Variants in CERS6 observed in about 807,000 individuals in gnomAD.
CERS6 encodes ceramide synthase 6, also known as LAG1 homolog, ceramide synthase 6.
Under a neutral mutation model 56.8 loss-of-function variants are expected in CERS6, and 26 were observed. That is an observed-to-expected ratio of 0.46 (90% CI 0.34 to 0.63). The LOEUF (loss-of-function observed/expected upper bound fraction) is 0.63. Ranked by LOEUF, CERS6 falls within the 30% of genes least tolerant of loss-of-function variation. CERS6 has a pLI of 0.01. For missense variants in CERS6, 415 were observed against 467.5 expected (o/e 0.89, Z 1.04); for synonymous variants, 164 against 173.3 (o/e 0.95, Z 0.42).
At chr2:168,701,992 A>G (rs1482484812) in intron 6 of CERS6, among the ~76,000 whole-genome samples, 1 of 152,208 alleles carries the variant, frequency 6.6e-6, no homozygotes, top group Non-Finnish European at 1.5e-5. Flanking sequence ...TGTATTTCTT[A>G]GGGAATAATA....
chr2:168,461,416 C>T (rs11691737), intron 1 of CERS6, among the ~76,000 whole-genome samples: 8,550 of 145,258 alleles, frequency 0.059, 350 homozygotes, highest in East Asian at 0.19. Flanking sequence ...GCTGTGATTG[C>T]GCTACTACAC....
At chr2:168,543,167 T>C (rs963794426) in intron 1 of CERS6, among the ~76,000 whole-genome samples, 1 of 152,234 alleles carries the variant, frequency 6.6e-6, no homozygotes, top group Non-Finnish European at 1.5e-5. Context: ...AGACTAGTAT[T>C]TTTCAAAGTT....
intron 6 of CERS6, among the ~76,000 whole-genome samples, chr2:168,713,178 T>G (rs1318666734): frequency 2.6e-5 from 4 of 152,166 alleles, no homozygotes; most frequent in Non-Finnish European, 5.9e-5. Flanking sequence ...AATGACCATA[T>G]GAATATTGAC....
At chr2:168,516,210 C>T (rs1694881491) in intron 1 of CERS6, among the ~76,000 whole-genome samples, 1 of 152,160 alleles carries the variant, frequency 6.6e-6, no homozygotes, top group South Asian at 2.1e-4. Flanking sequence ...ACATCTTCCT[C>T]TGCAGTTCAG....
chr2:168,708,212 C>G (rs989902800), intron 6 of CERS6, among the ~76,000 whole-genome samples: 2 of 152,122 alleles, frequency 1.3e-5, no homozygotes, highest in Non-Finnish European at 1.5e-5. Context: ...CTCACCATCT[C>G]CATCTGTTTA....
At chr2:168,621,103 A>G (rs1037142719) in intron 3 of CERS6, among the ~76,000 whole-genome samples, 1 of 152,188 alleles carries the variant, frequency 6.6e-6, no homozygotes, top group African/African-American at 2.4e-5. Context: ...TTGCAATCAC[A>G]GTATCAGTGC....
intron 8 of CERS6, among the ~76,000 whole-genome samples, chr2:168,738,820 C>T (rs1456090959): frequency 1.3e-5 from 2 of 152,152 alleles, no homozygotes; most frequent in Non-Finnish European, 2.9e-5. Flanking sequence ...AGCTGTAACC[C>T]ACAGCAGACA....
chr2:168,699,519 A>G (rs1342699244), intron 6 of CERS6, among the ~76,000 whole-genome samples: 2 of 152,198 alleles, frequency 1.3e-5, no homozygotes, highest in African/African-American at 4.8e-5. Context: ...AGGTTTGACA[A>G]TCATTTATTT....
intron 4 of CERS6, among the ~76,000 whole-genome samples, chr2:168,683,874 G>A (rs1169986448): frequency 1.3e-5 from 2 of 152,118 alleles, no homozygotes; most frequent in Non-Finnish European, 2.9e-5. Flanking sequence ...AGATGTGTGT[G>A]GAGACCCTCA....
intron 3 of CERS6, among the ~76,000 whole-genome samples, chr2:168,564,771 G>T (rs981164622): frequency 3.9e-5 from 6 of 152,266 alleles, no homozygotes; most frequent in South Asian, 2.1e-4. Flanking sequence ...GCTGGAGTGA[G>T]CACAGCTACC....
Position 168,553,890 on chromosome 2 carries a change from T to C in CERS6, c.276+6189T>C, listed in dbSNP as rs552597971. Among the ~76,000 whole-genome samples, 9 of 152,296 alleles carry C rather than the reference T, an allele frequency of 5.9e-5. No individual in the cohort carries two copies. The East Asian group carries it at 1.7e-3, about 29-fold the overall frequency. On this transcript the variant is annotated intron_variant, in intron 2 of 9. Transcript: ENST00000305747. ...GTGGGAGGCAGAATCAGTTCACTGA[T>C]TGCATGATCTCTAAGAGGGGAGTCA... is the stretch of plus-strand genomic sequence containing the variant.
intron 3 of CERS6, among the ~76,000 whole-genome samples, chr2:168,572,890 G>A (rs1008233343): frequency 4.6e-5 from 7 of 152,102 alleles, no homozygotes; most frequent in Admixed American, 4.6e-4. Context: ...CCCCCAAAAT[G>A]TCCAGTGAAT....
chr2:168,651,952 C>T (rs1455362401), intron 4 of CERS6, among the ~76,000 whole-genome samples: 2 of 152,168 alleles, frequency 1.3e-5, no homozygotes, highest in Non-Finnish European at 2.9e-5. Flanking sequence ...AATTTATTAG[C>T]TGGTAAAGCA....
At chr2:168,483,683 C>G (rs1053602950) in intron 1 of CERS6, among the ~76,000 whole-genome samples, 3 of 152,170 alleles carry the variant, frequency 2.0e-5, no homozygotes, top group Non-Finnish European at 4.4e-5. Flanking sequence ...TTAGTCCAGT[C>G]AACTTTGAAT....
At chr2:168,639,149 G>A (rs1226474562) in intron 4 of CERS6, among the ~76,000 whole-genome samples, 2 of 152,090 alleles carry the variant, frequency 1.3e-5, no homozygotes, top group Admixed American at 6.6e-5. Flanking sequence ...CAAAAGTTTA[G>A]AGTTGAACTT....
At position 168,708,941 on chromosome 2, in the gene CERS6, G is replaced by T. The variant is rs1336998333; in HGVS notation, c.610-6060G>T. ...ATGTATTATTTTTAATGAAAAATGG[G>T]TGAATTTTGTTTTTGTAAAGGCATG... On this transcript the variant is annotated intron_variant, in intron 6 of 9. Transcript: ENST00000305747. 2.6e-5 allele frequency among the ~76,000 whole-genome samples: 4 copies of T among 152,078 alleles called. No individual in the cohort carries two copies. The East Asian group carries it at 7.7e-4, about 29-fold the overall frequency.
chr2:168,682,184 G>T (rs551759119), intron 4 of CERS6, among the ~76,000 whole-genome samples: 2 of 152,088 alleles, frequency 1.3e-5, no homozygotes, highest in African/African-American at 4.8e-5. Context: ...TAGTTTGCCC[G>T]TGTGTTTTTT....
chr2:168,682,817 A>C (rs1250276101), intron 4 of CERS6, among the ~76,000 whole-genome samples: 1 of 152,096 alleles, frequency 6.6e-6, no homozygotes, highest in Non-Finnish European at 1.5e-5. Context: ...ATTCCTGAAA[A>C]TTGTGTTGGT....
intron 1 of CERS6, among the ~76,000 whole-genome samples, chr2:168,545,979 A>T (rs1038586015): frequency 6.6e-6 from 1 of 152,172 alleles, no homozygotes; most frequent in African/African-American, 2.4e-5. Flanking sequence ...TTCACACCAA[A>T]TGCATTTTGT....
Sources: gnomAD v4.1 joint callset for allele counts (sites outside exome capture counted in the v4.1 genomes callset) on GRCh38, gnomAD v4.1.1 for gene constraint, MANE v1.5 for transcripts, NCBI Gene and HGNC (gene_info 2026-07-23, HGNC 2026-07-21) for gene names.